The following MAPRE3 variants were observed in gnomAD, a reference collection of about 807,000 sequenced individuals.
The protein encoded by MAPRE3 is microtubule associated protein RP/EB family member 3, also known as microtubule-associated protein RP/EB family member 3.
In MAPRE3, 2 loss-of-function variants were observed where a neutral mutation model predicts 30.5. The observed-to-expected ratio is 0.07, with a 90% CI of 0.03 to 0.21. The LOEUF (loss-of-function observed/expected upper bound fraction) is 0.21, where lower values mean the gene tolerates loss of function less well. MAPRE3 is among the 10% of genes least tolerant of loss of function. The probability of loss-of-function intolerance (pLI) is 1.00; values close to 1 mark genes in which losing one functional copy is unlikely to be tolerated. For missense variants in MAPRE3, 204 were observed against 351.8 expected (o/e 0.58, Z 3.36); for synonymous variants, 110 against 127.7 (o/e 0.86, Z 0.93).
intron 1 of MAPRE3, among the ~76,000 whole-genome samples, chr2:26,999,740 G>A (rs1020701898): frequency 6.6e-6 from 1 of 151,978 alleles, no homozygotes; most frequent in African/African-American, 2.4e-5. Context: ...GACCTCAGAT[G>A]TTCCACCTGC....
chr2:27,024,347 C>G (rs756001023), intron 4 of MAPRE3, 50 bp downstream of exon 4: 168 of 1,553,958 alleles, frequency 1.1e-4, no homozygotes, highest in Non-Finnish European at 1.3e-4. Context: ...GGCCGGCAGG[C>G]CTCTATAGCC....
intron 1 of MAPRE3, among the ~76,000 whole-genome samples, chr2:26,987,129 T>C (rs1666239873): frequency 6.6e-6 from 1 of 152,112 alleles, no homozygotes; most frequent in South Asian, 2.1e-4. Context: ...TCCTCAGAAG[T>C]AAATAAAATT....
intron 1 of MAPRE3, among the ~76,000 whole-genome samples, chr2:26,999,515 T>TTTTGA (rs1666542322): frequency 3.8e-5 from 3 of 79,792 alleles, no homozygotes; most frequent in Non-Finnish European, 5.6e-5. Context: ...TTTTTTTTTT[T>TTTTGA]GGGATGGAGT....
rs544890304 is a variant in MAPRE3, at chr2:26,984,113, A to G, written c.-8+13311A>G. ...CATTAGCTTTCCCATGAATTTAAAT[A>G]TATTTATATATTATTCTCAAAATCA... is the stretch of plus-strand genomic sequence containing the variant. On this transcript the variant is annotated intron_variant, in intron 1 of 6. Transcript: ENST00000233121. Among the ~76,000 whole-genome samples the G allele has an allele frequency of 3.3e-5, 5 of 152,316 alleles. No individual in the cohort carries two copies. In the East Asian group the frequency reaches 9.6e-4, roughly 29 times the overall value.
In MAPRE3 at chr2:27,026,907, G is replaced by C. The variant is rs1333285082; in HGVS notation, c.*559G>C. The C allele has an allele frequency of 6.5e-6, 1 of 152,750 alleles. No individual in the cohort carries two copies. The highest frequency in any genetic ancestry group is 2.4e-5 in the African/African-American group (1 of 41,382). 9.5% of individuals were successfully genotyped at this position (152,750 alleles called of 1,614,324 possible). A position where few individuals can be genotyped will look rare whatever the true frequency, so the allele number is the denominator to read the frequency against. Reference sequence around the variant, plus strand: ...CAGGAGAGGGAGAGGGGGCTGAGGAGGTAGTGCTGTAGGCCCAGGGGGTCA... The same window carrying C: ...CAGGAGAGGGAGAGGGGGCTGAGGACGTAGTGCTGTAGGCCCAGGGGGTCA... On this transcript the variant is annotated 3_prime_UTR_variant, in exon 7 of 7. Coordinates refer to ENST00000233121, the MANE Select transcript of MAPRE3 (RefSeq NM_012326.4).
intron 1 of MAPRE3, among the ~76,000 whole-genome samples, chr2:26,971,792 C>T (rs759219474): frequency 6.6e-6 from 1 of 151,984 alleles, no homozygotes; most frequent in Non-Finnish European, 1.5e-5. Flanking sequence ...TTTAACATAA[C>T]GTGTGCAGAG....
chr2:27,023,494 T>TG lies in MAPRE3; in HGVS notation c.267+23dup, dbSNP rs1667155525. The TG allele has an allele frequency of 1.2e-6, 2 of 1,613,296 alleles. No homozygotes were observed. Among genetic ancestry groups the TG allele is most frequent in the African/African-American group, 1.3e-5 (1 of 75,044 alleles). Reference sequence around the variant, plus strand: ...GTTGACAAAGTAGGTGCCTGCGCTCTGGGGGGCCCTGAGGAGCAGTGTGAC... The same window carrying TG: ...GTTGACAAAGTAGGTGCCTGCGCTCTGGGGGGGCCCTGAGGAGCAGTGTGAC... On this transcript the variant is annotated intron_variant, in intron 3 of 6. Transcript: ENST00000233121.
intron 1 of MAPRE3, among the ~76,000 whole-genome samples, chr2:26,982,518 A>G (rs187943782): frequency 6.6e-6 from 1 of 152,242 alleles, no homozygotes; most frequent in Non-Finnish European, 1.5e-5. Flanking sequence ...CCCTACCAGG[A>G]AGGAACAAAC....
intron 4 of MAPRE3, 21 bp downstream of exon 4, chr2:27,024,318 G>C: frequency 6.2e-7 from 1 of 1,608,906 alleles, no homozygotes; most frequent in Non-Finnish European, 8.5e-7. Flanking sequence ...CGAGCCGGGG[G>C]AGGGAGCGTG....
intron 1 of MAPRE3, among the ~76,000 whole-genome samples, chr2:27,004,858 T>C (rs1044589853): frequency 4.6e-5 from 7 of 152,000 alleles, no homozygotes; most frequent in African/African-American, 1.7e-4. Flanking sequence ...GGATGTTTGT[T>C]AGACATGAGC....
rs1044120278 is a variant in MAPRE3, at chr2:27,015,891, A to C, written c.-7-6321A>C. On this transcript the variant is annotated intron_variant, in intron 1 of 6. Coordinates refer to ENST00000233121, the MANE Select transcript of MAPRE3 (RefSeq NM_012326.4). The surrounding 1 kb of genome is among the most constrained non-coding windows in gnomAD (Gnocchi z 4.0). Reference sequence around the variant, plus strand: ...CATGGGTTAGTGGGATTTGGTCTTGATGACCATTTTTAAGGCCTCAGTCTG... The same window carrying C: ...CATGGGTTAGTGGGATTTGGTCTTGCTGACCATTTTTAAGGCCTCAGTCTG... 6.6e-6 allele frequency among the ~76,000 whole-genome samples: 1 copy of C among 152,132 alleles called. No homozygotes were observed.
At chr2:26,991,635 A>G (rs901426278) in intron 1 of MAPRE3, among the ~76,000 whole-genome samples, 1 of 152,190 alleles carries the variant, frequency 6.6e-6, no homozygotes, top group African/African-American at 2.4e-5. Flanking sequence ...CCCCACATAA[A>G]TAAAAGAAAT....
In MAPRE3 at chr2:27,026,379, C is replaced by T. The variant is rs1220302610; in HGVS notation, c.*31C>T. On this transcript the variant is annotated 3_prime_UTR_variant, in exon 7 of 7. Transcript: ENST00000233121. ...GCCGCAGCCCTGGCTGACTGCACAGCTTCCCCGTGCCTCCCTCCCTGCTCC... is the reference window on the plus strand; with the variant it reads ...GCCGCAGCCCTGGCTGACTGCACAGTTTCCCCGTGCCTCCCTCCCTGCTCC... 1 of 1,557,744 alleles carries T rather than the reference C, an allele frequency of 6.4e-7. No homozygotes were observed. The highest frequency in any genetic ancestry group is 1.1e-5 in the South Asian group (1 of 88,178).
chr2:27,018,336 C>T (rs1007465239), intron 1 of MAPRE3, among the ~76,000 whole-genome samples: 1 of 152,124 alleles, frequency 6.6e-6, no homozygotes, highest in African/African-American at 2.4e-5. Context: ...TGGACAGTTC[C>T]CGGAATAGCT....
chr2:27,020,864 G>A (rs1667095944), intron 1 of MAPRE3, among the ~76,000 whole-genome samples: 1 of 152,202 alleles, frequency 6.6e-6, no homozygotes, highest in South Asian at 2.1e-4. Flanking sequence ...AGAGACTGGA[G>A]GCTGGAAGGC....
chr2:27,020,569 T>C (rs978462875), intron 1 of MAPRE3, among the ~76,000 whole-genome samples: 1 of 152,186 alleles, frequency 6.6e-6, no homozygotes, highest in African/African-American at 2.4e-5. Context: ...CTGGCTCCAC[T>C]CCAACTGCTG....
chr2:26,983,947 T>A (rs973485872), intron 1 of MAPRE3, among the ~76,000 whole-genome samples: 1 of 152,114 alleles, frequency 6.6e-6, no homozygotes, highest in Admixed American at 6.5e-5. Flanking sequence ...CCTCACCCCG[T>A]CCCTTCCCCT....
At chr2:26,995,521 A>T (rs1189732296) in intron 1 of MAPRE3, 1 of 152,212 alleles carries the variant, frequency 6.6e-6, no homozygotes, top group Admixed American at 6.5e-5. Context: ...GCCAGCTGTA[A>T]GGGGCTCCCA....
In MAPRE3 at chr2:27,025,615, A is replaced by C. The variant is rs975397856; in HGVS notation, c.502A>C (p.Asn168His). The C allele has an allele frequency of 6.3e-7, 1 of 1,594,554 alleles. No homozygotes were observed. Among genetic ancestry groups the C allele is most frequent in the South Asian group, 1.2e-5 (1 of 86,798 alleles). The change falls in exon 5 of 7, where the codon AAC becomes CAC. Residue 168 changes from asparagine to histidine, a missense_variant. Transcript: ENST00000233121. ...PQRTSPTGPK[N>H]MQTSGRLSNV... ...GAGGACGTCCCCCACAGGCCCAAAA[A>C]ACATGCAGACCTCTGGCCGGCTGAG...
Sources: allele counts gnomAD v4.1 joint callset (sites outside exome capture counted in the v4.1 genomes callset), GRCh38; gene constraint gnomAD v4.1.1; non-coding constraint Gnocchi (gnomAD v3.1); transcripts MANE v1.5; gene names NCBI Gene and HGNC (gene_info 2026-07-23, HGNC 2026-07-21).